The following PREX2 variants were observed in gnomAD, a reference collection of about 807,000 sequenced individuals.
The protein encoded by PREX2 is phosphatidylinositol 3,4,5-trisphosphate-dependent Rac exchanger 2 protein.
Under a neutral mutation model 203.2 loss-of-function variants are expected in PREX2, and 107 were observed. The observed-to-expected ratio is 0.53, with a 90% CI of 0.45 to 0.62. The LOEUF (loss-of-function observed/expected upper bound fraction) is 0.62, where lower values mean the gene tolerates loss of function less well. Among genes scored for constraint, PREX2 ranks in the 20% least tolerant of loss-of-function variants. The pLI is 0.00. For missense variants in PREX2, 1,777 were observed against 1,955.9 expected (o/e 0.91, Z 1.72); for synonymous variants, 672 against 663.6 (o/e 1.01, Z -0.19).
chr8:68,044,407 GA>G (rs1808282817), intron 7 of PREX2, 79 bp from the exon 8 acceptor site: 1 of 974,668 alleles, frequency 1.0e-6, no homozygotes, highest in South Asian at 1.6e-5. Flanking sequence ...TTTTTTCAAA[GA>G]ATTGCCTAAA....
chr8:68,191,020 C>T (rs558816707), intron 35 of PREX2, among the ~76,000 whole-genome samples: 3 of 152,180 alleles, frequency 2.0e-5, no homozygotes, highest in Admixed American at 1.3e-4. Flanking sequence ...AAATACTATA[C>T]AGCCATAAAA....
rs769502336 is a variant in PREX2 at position 68,019,532 on chromosome 8, C to T, written c.214-17C>T. On this transcript the variant is annotated splice_polypyrimidine_tract_variant and intron_variant, in intron 2 of 39. Transcript: ENST00000288368. ...TGCTTCACTACTGAGCTTACTTACACATTTGTTTATTTACAGATGTTGTTC... is the reference window on the plus strand; with the variant it reads ...TGCTTCACTACTGAGCTTACTTACATATTTGTTTATTTACAGATGTTGTTC... 8.8e-6 allele frequency: 14 copies of T among 1,597,742 alleles called. No homozygotes were observed. Among genetic ancestry groups the T allele is most frequent in the Middle Eastern group, 1.7e-4 (1 of 6,010 alleles).
In PREX2 at chr8:68,125,051, A is replaced by G. The variant is rs116930346; in HGVS notation, c.3725-2327A>G. On this transcript the variant is annotated intron_variant, in intron 30 of 39. Transcript: ENST00000288368. Reference sequence around the variant, plus strand: ...AATGATTACATTTTGCTTCATCTCAATGGACTATGCAAGCGAGAGGGCATG... The same window carrying G: ...AATGATTACATTTTGCTTCATCTCAGTGGACTATGCAAGCGAGAGGGCATG... 8.1e-3 allele frequency among the ~76,000 whole-genome samples: 1,233 copies of G among 152,206 alleles called. 9 individuals carry two copies. Among genetic ancestry groups the G allele is most frequent in the African/African-American group, 0.016 (669 of 41,532 alleles).
At chr8:68,177,954 G>A (rs1013932823) in intron 35 of PREX2, among the ~76,000 whole-genome samples, 9 of 152,136 alleles carry the variant, frequency 5.9e-5, no homozygotes, top group Admixed American at 4.6e-4. Context: ...CCATGTCCCT[G>A]CAAAGGACAT....
intron 11 of PREX2, among the ~76,000 whole-genome samples, chr8:68,061,230 G>A (rs1195355474): frequency 1.3e-5 from 2 of 152,226 alleles, no homozygotes; most frequent in Non-Finnish European, 2.9e-5. Context: ...TTGGGCACCG[G>A]CACAGAGCCT....
chr8:68,072,672 T>A (rs936344943), intron 14 of PREX2, 102 bp downstream of exon 14: 2 of 680,394 alleles, frequency 2.9e-6, no homozygotes, highest in Admixed American at 5.1e-5. Context: ...AGCAGGCATT[T>A]AAAAAAAGAA....
At chr8:67,974,127 GAGAA>G (rs1806002922) in intron 1 of PREX2, among the ~76,000 whole-genome samples, 2 of 152,094 alleles carry the variant, frequency 1.3e-5, no homozygotes, top group African/African-American at 4.8e-5. Context: ...TTGAAAATTG[GAGAA>G]AGAGTGAATT....
chr8:68,139,297 AAGGTTG>A (rs1811173345), intron 33 of PREX2, among the ~76,000 whole-genome samples: 1 of 152,108 alleles, frequency 6.6e-6, no homozygotes, highest in African/African-American at 2.4e-5. Context: ...AGGCCCTGAA[AAGGTTG>A]AGGGAGTAAT....
At chr8:68,171,655 C>A (rs539681487) in intron 35 of PREX2, among the ~76,000 whole-genome samples, 2 of 152,286 alleles carry the variant, frequency 1.3e-5, no homozygotes, top group East Asian at 1.9e-4. Context: ...ATCTCCCCAT[C>A]CCTTTCTCTT....
chr8:68,166,676 A>G (rs896091837), intron 35 of PREX2, among the ~76,000 whole-genome samples: 4 of 152,230 alleles, frequency 2.6e-5, no homozygotes, highest in Non-Finnish European at 5.9e-5. Context: ...GACAAAATAT[A>G]TTCTTCTGTG....
intron 35 of PREX2, among the ~76,000 whole-genome samples, chr8:68,162,074 C>G (rs1811666822): frequency 1.3e-5 from 2 of 152,150 alleles, no homozygotes; most frequent in South Asian, 4.1e-4. Context: ...ATGGGAAAGA[C>G]TCACCCCCAT....
At chr8:68,118,228 G>T (rs972296668) in intron 26 of PREX2, among the ~76,000 whole-genome samples, 1 of 151,906 alleles carries the variant, frequency 6.6e-6, no homozygotes, top group Admixed American at 6.6e-5. Flanking sequence ...GGTGGCGGGC[G>T]CCTGTAGTCC....
intron 37 of PREX2, among the ~76,000 whole-genome samples, chr8:68,201,468 A>G (rs1287277878): frequency 1.3e-5 from 2 of 152,176 alleles, no homozygotes; most frequent in African/African-American, 2.4e-5. Flanking sequence ...TCAAGTCCCA[A>G]AGCTGAAGAA....
intron 2 of PREX2, 93 bp from the exon 3 acceptor site, chr8:68,019,456 T>A: frequency 2.0e-6 from 2 of 1,011,712 alleles, no homozygotes; most frequent in East Asian, 5.6e-5. Flanking sequence ...CATGGATGTA[T>A]GGTTTTCAGG....
chr8:68,169,279 C>T (rs1811824698), intron 35 of PREX2, among the ~76,000 whole-genome samples: 1 of 152,080 alleles, frequency 6.6e-6, no homozygotes, highest in Admixed American at 6.5e-5. Context: ...CCAGGCCACG[C>T]ACCCATTCCT....
At chr8:68,098,630 A>G (rs1032328988) in intron 22 of PREX2, among the ~76,000 whole-genome samples, 1 of 152,046 alleles carries the variant, frequency 6.6e-6, no homozygotes, top group Non-Finnish European at 1.5e-5. Flanking sequence ...ATTATTCTAT[A>G]TATGACAGCA....
At chr8:68,107,717 G>A (rs1810446610) in intron 23 of PREX2, among the ~76,000 whole-genome samples, 1 of 152,128 alleles carries the variant, frequency 6.6e-6, no homozygotes, top group Non-Finnish European at 1.5e-5. Flanking sequence ...ACCCTGTTTT[G>A]CCATTTTGCC....
At chr8:68,154,063 G>T (rs770515508) in intron 34 of PREX2, among the ~76,000 whole-genome samples, 5 of 152,166 alleles carry the variant, frequency 3.3e-5, no homozygotes, top group Admixed American at 1.3e-4. Context: ...TTCCCAGGTG[G>T]TTTCCCCCAA....
chr8:67,965,106 G>T (rs1243600257), intron 1 of PREX2, among the ~76,000 whole-genome samples: 1 of 152,148 alleles, frequency 6.6e-6, no homozygotes, highest in Admixed American at 6.6e-5. Context: ...ACCATCAAGC[G>T]CAAGAGAGCA....
Sources: gnomAD v4.1 joint callset for allele counts (sites outside exome capture counted in the v4.1 genomes callset) on GRCh38, gnomAD v4.1.1 for gene constraint, MANE v1.5 for transcripts, NCBI Gene and HGNC (gene_info 2026-07-23, HGNC 2026-07-21) for gene names.